Variants in PCSK5 observed in about 807,000 individuals in gnomAD.
PCSK5 encodes the protein proprotein convertase subtilisin/kexin type 5.
PCSK5 carries 129 observed loss-of-function variants against 233.2 expected under a neutral mutation model. The observed-to-expected ratio is 0.55, with a 90% confidence interval of 0.48 to 0.64. The LOEUF (loss-of-function observed/expected upper bound fraction) is 0.64, where lower values mean the gene tolerates loss of function less well. Ranked by LOEUF, PCSK5 falls within the 30% of genes least tolerant of loss-of-function variation. The pLI is 0.00. For synonymous variants in PCSK5, 825 were observed against 879.2 expected, an observed-to-expected ratio of 0.94 and a Z score of 1.09; for missense variants, 2,076 against 2,430.1, an observed-to-expected ratio of 0.85 and a Z score of 3.06.
intron 2 of PCSK5, among the ~76,000 whole-genome samples, chr9:75,958,395 G>C (rs1029819919): frequency 1.3e-5 from 2 of 152,144 alleles, no homozygotes; most frequent in African/African-American, 2.4e-5. Flanking sequence ...TTATTAGGCT[G>C]TTTTACTCGG....
chr9:76,035,898 A>G (rs1025280332), intron 5 of PCSK5, among the ~76,000 whole-genome samples: 1 of 152,166 alleles, frequency 6.6e-6, no homozygotes, highest in East Asian at 1.9e-4. Context: ...ATTGGAGAAG[A>G]CATCCAAGAA....
chr9:76,324,373 G>A (rs2131466146), intron 32 of PCSK5, among the ~76,000 whole-genome samples: 1 of 152,076 alleles, frequency 6.6e-6, no homozygotes, highest in African/African-American at 2.4e-5. Flanking sequence ...TGGGATTATA[G>A]GTGGCTGCCA....
intron 34 of PCSK5, 63 bp from the exon 35 acceptor site, chr9:76,338,167 T>C: frequency 8.3e-7 from 1 of 1,207,718 alleles, no homozygotes; most frequent in South Asian, 1.3e-5. Flanking sequence ...ACCATGTTTT[T>C]CCACTGCATC....
chr9:76,219,947 C>T (rs896250144), intron 20 of PCSK5, among the ~76,000 whole-genome samples: 3 of 152,328 alleles, frequency 2.0e-5, no homozygotes, highest in Non-Finnish European at 2.9e-5. Context: ...GTACTGTTCT[C>T]ACCACTAGGG....
chr9:76,189,511 A>C (rs1349305825), intron 19 of PCSK5, 120 bp from the exon 20 acceptor site: 1 of 702,568 alleles, frequency 1.4e-6, no homozygotes, highest in Non-Finnish European at 2.4e-6. Context: ...GTTGTGAGGA[A>C]AGATTTTTGA....
chr9:76,184,439 T>C (rs1445608428), intron 16 of PCSK5, among the ~76,000 whole-genome samples: 1 of 152,128 alleles, frequency 6.6e-6, no homozygotes, highest in Non-Finnish European at 1.5e-5. Context: ...AGGCTATCAT[T>C]TTCTTGTCTG....
At chr9:76,252,956 G>A (rs1826860053) in intron 24 of PCSK5, among the ~76,000 whole-genome samples, 1 of 152,156 alleles carries the variant, frequency 6.6e-6, no homozygotes, top group South Asian at 2.1e-4. Context: ...TCTCTCACTG[G>A]AACATTTCCA....
chr9:76,193,145 C>G lies in PCSK5; in HGVS notation c.2626+3399C>G, dbSNP rs900562617. ...GATCTCTTCCAATTCCCCAAATCTG[C>G]CTCTCTGGCCAATCACAACCTTCTT... On this transcript the variant is annotated intron_variant, in intron 20 of 37. Coordinates refer to ENST00000674117, the MANE Select transcript of PCSK5 (RefSeq NM_001372043.1). 6 of 1,110,276 alleles carry G rather than the reference C, an allele frequency of 5.4e-6. No homozygotes were observed. The African/African-American group carries it at 9.5e-5, about 18-fold the overall frequency. 68.8% of individuals were successfully genotyped at this position (1,110,276 alleles called of 1,614,324 possible).
At chr9:75,947,170 T>A (rs998433817) in intron 2 of PCSK5, among the ~76,000 whole-genome samples, 2 of 152,192 alleles carry the variant, frequency 1.3e-5, no homozygotes, top group African/African-American at 4.8e-5. Flanking sequence ...TAGTTCCAAA[T>A]AGCAAAACAT....
At chr9:75,984,787 A>C (rs1826433020) in intron 2 of PCSK5, among the ~76,000 whole-genome samples, 1 of 152,216 alleles carries the variant, frequency 6.6e-6, no homozygotes. Flanking sequence ...TAAATGAGTG[A>C]ATGAACCTGA....
chr9:76,255,721 G>C (rs1397671798), intron 24 of PCSK5, among the ~76,000 whole-genome samples: 1 of 152,072 alleles, frequency 6.6e-6, no homozygotes, highest in African/African-American at 2.4e-5. Context: ...CATAGTCCCA[G>C]CTACTTAGAA....
intron 8 of PCSK5, among the ~76,000 whole-genome samples, chr9:76,105,970 C>T (rs1366903357): frequency 6.6e-6 from 1 of 152,190 alleles, no homozygotes; most frequent in Admixed American, 6.5e-5. Context: ...ATAGAATAAA[C>T]TTCTAAGTGA....
chr9:76,104,350 T>A (rs1831890977), intron 8 of PCSK5, among the ~76,000 whole-genome samples: 1 of 152,190 alleles, frequency 6.6e-6, no homozygotes, highest in African/African-American at 2.4e-5. Flanking sequence ...CCTTTTAACT[T>A]TACCCCTTTC....
intron 24 of PCSK5, among the ~76,000 whole-genome samples, chr9:76,278,698 T>C (rs79200337): frequency 2.9e-5 from 4 of 139,814 alleles, no homozygotes; most frequent in East Asian, 4.1e-4. Context: ...TCTATCTATC[T>C]ATCCATCCAT....
intron 8 of PCSK5, among the ~76,000 whole-genome samples, chr9:76,104,506 T>C (rs929067075): frequency 3.9e-5 from 6 of 152,370 alleles, no homozygotes; most frequent in Admixed American, 3.9e-4. Flanking sequence ...TTGGTGTTTA[T>C]ATATAAATGT....
intron 24 of PCSK5, among the ~76,000 whole-genome samples, chr9:76,250,163 G>A (rs980311386): frequency 3.3e-5 from 5 of 152,124 alleles, no homozygotes; most frequent in East Asian, 1.9e-4. Context: ...TTAGCTGGGC[G>A]TGGTGGTGCG....
intron 35 of PCSK5, among the ~76,000 whole-genome samples, chr9:76,340,182 T>C (rs555158099): frequency 6.6e-6 from 1 of 152,290 alleles, no homozygotes; most frequent in East Asian, 1.9e-4. Flanking sequence ...CTACTAATTG[T>C]GAGCCCCTCA....
At chr9:76,101,502 A>T (rs1831755800) in intron 8 of PCSK5, among the ~76,000 whole-genome samples, 1 of 152,234 alleles carries the variant, frequency 6.6e-6, no homozygotes, top group African/African-American at 2.4e-5. Context: ...GTTCTGTTTT[A>T]TAAATAAGGC....
chr9:76,130,642 C>A (rs1209592531), intron 9 of PCSK5, among the ~76,000 whole-genome samples: 2 of 151,692 alleles, frequency 1.3e-5, no homozygotes, highest in African/African-American at 4.8e-5. Context: ...ATGAGTTCAG[C>A]AAAGGATGCA....
Sources: allele counts gnomAD v4.1 joint callset (sites outside exome capture counted in the v4.1 genomes callset), GRCh38; gene constraint gnomAD v4.1.1; transcripts MANE v1.5; gene names NCBI Gene and HGNC (gene_info 2026-07-23, HGNC 2026-07-21).